Variants in SIAH2 observed in about 807,000 individuals in gnomAD.
SIAH2 encodes the protein E3 ubiquitin-protein ligase SIAH2.
SIAH2 carries 4 observed loss-of-function variants against 20.4 expected under a neutral mutation model. That is an observed-to-expected ratio of 0.20 (90% CI 0.10 to 0.45). The LOEUF is 0.45. Ranked by LOEUF, SIAH2 falls within the 20% of genes least tolerant of loss-of-function variation. The pLI, the probability that SIAH2 is intolerant of heterozygous loss-of-function variation, is 0.99. For synonymous variants in SIAH2, 171 were observed against 192.5 expected (o/e 0.89, Z 0.93); for missense variants, 259 against 440.3 (o/e 0.59, Z 3.69).
At chr3:150,761,765 CTT>C (rs777509736) in intron 1 of SIAH2, among the ~76,000 whole-genome samples, 7 of 152,236 alleles carry the variant, frequency 4.6e-5, no homozygotes, top group African/African-American at 1.4e-4. Flanking sequence ...AACAACAGCT[CTT>C]GAGTGCCCTT....
rs1246996334 is a variant in SIAH2, at chr3:150,742,051, T to G, written c.*90A>C. The G allele has an allele frequency of 1.7e-5, 21 of 1,265,130 alleles. No individual in the cohort carries two copies. Among genetic ancestry groups the G allele is most frequent in the Non-Finnish European group, 2.0e-5 (18 of 911,560 alleles). The allele number at this position is 1,265,130 out of a possible 1,614,324, so 78.4% of individuals were successfully genotyped here. A position where few individuals can be genotyped will look rare whatever the true frequency, so the allele number is the denominator to read the frequency against. ...ACGGGTAATTGTGGGTCCTGACTTGTGAAGACATATGGAATAAAACATCTA... is the reference window on the plus strand; with the variant it reads ...ACGGGTAATTGTGGGTCCTGACTTGGGAAGACATATGGAATAAAACATCTA... On this transcript the variant is annotated 3_prime_UTR_variant, in exon 2 of 2. Coordinates refer to ENST00000312960, the MANE Select transcript of SIAH2 (RefSeq NM_005067.7). This position sits in a 1 kb window ranked among gnomAD's most constrained non-coding sequence, Gnocchi z 4.8.
chr3:150,750,612 C>G (rs1196660491), intron 1 of SIAH2, among the ~76,000 whole-genome samples: 1 of 151,892 alleles, frequency 6.6e-6, no homozygotes, highest in Non-Finnish European at 1.5e-5. Flanking sequence ...ATGACGGGGT[C>G]TCACTTTGTT....
intron 1 of SIAH2, among the ~76,000 whole-genome samples, chr3:150,743,308 T>C (rs921072829): frequency 6.6e-6 from 1 of 152,196 alleles, no homozygotes; most frequent in African/African-American, 2.4e-5. Context: ...GCTAGAAATA[T>C]TACCCCACTG....
At chr3:150,756,566 T>A (rs2108124232) in intron 1 of SIAH2, among the ~76,000 whole-genome samples, 1 of 152,350 alleles carries the variant, frequency 6.6e-6, no homozygotes, top group African/African-American at 2.4e-5. Flanking sequence ...AGGCCAGACC[T>A]GCTGTAACTT....
intron 1 of SIAH2, among the ~76,000 whole-genome samples, chr3:150,749,463 C>T (rs1172470701): frequency 2.0e-5 from 3 of 152,062 alleles, no homozygotes; most frequent in African/African-American, 7.2e-5. Flanking sequence ...GTGATTGTAC[C>T]ACCGCCCTCC....
intron 1 of SIAH2, among the ~76,000 whole-genome samples, chr3:150,746,471 T>C (rs145920885): frequency 7.8e-4 from 117 of 149,194 alleles, no homozygotes; most frequent in African/African-American, 2.7e-3. Context: ...ATGGAGTTTA[T>C]TTTGAGTTTC....
At chr3:150,743,227 T>C (rs1576579829) in intron 1 of SIAH2, among the ~76,000 whole-genome samples, 1 of 152,378 alleles carries the variant, frequency 6.6e-6, no homozygotes, top group East Asian at 1.9e-4. Flanking sequence ...AAGGCTGCCC[T>C]TTGGTTCCTT....
Position 150,762,894 on chromosome 3 carries a change from G to A in SIAH2, c.-45C>T, listed in dbSNP as rs768086728. ...GGAACTGCGGGCGCCTGCCTGCCGC[G>A]GGGCCGCCCGGGTCAAGGCGGTGCG... On this transcript the variant is annotated 5_prime_UTR_variant, in exon 1 of 2. Transcript: ENST00000312960. This position sits in a 1 kb window ranked among gnomAD's most constrained non-coding sequence, Gnocchi z 6.6. 2 of 1,150,318 alleles carry A rather than the reference G, an allele frequency of 1.7e-6. No homozygotes were observed. The highest frequency in any genetic ancestry group is 2.2e-6 in the Non-Finnish European group (2 of 926,366). The allele number at this position is 1,150,318 out of a possible 1,614,324, so 71.3% of individuals were successfully genotyped here.
Position 150,742,168 on chromosome 3 carries a change from A to G in SIAH2, c.948T>C (p.Asn316=), listed in dbSNP as rs764036042. The change falls in exon 2 of 2, where the codon AAT becomes AAC. Residue 316 remains asparagine (N), a synonymous_variant. Coordinates refer to ENST00000312960, the MANE Select transcript of SIAH2 (RefSeq NM_005067.7). The surrounding 1 kb of genome is among the most constrained non-coding windows in gnomAD (Gnocchi z 4.8). Reference sequence around the variant, plus strand: ...ATGGACAACATGTAGAAATAGTAACATTGATTCCAAGGTTCCCATTATCTG... The same window carrying G: ...ATGGACAACATGTAGAAATAGTAACGTTGATTCCAAGGTTCCCATTATCTG... ...LFADNGNLGI[N]VTISTCCP 1 of 1,612,734 alleles carries G rather than the reference A, an allele frequency of 6.2e-7. No homozygotes were observed. Among genetic ancestry groups the G allele is most frequent in the South Asian group, 1.1e-5 (1 of 91,024 alleles).
rs779453281 is a variant in SIAH2, at chr3:150,741,721, A to C, written c.*420T>G. 35 of 161,984 alleles carry C rather than the reference A, an allele frequency of 2.2e-4. No individual in the cohort carries two copies. The highest frequency in any genetic ancestry group is 6.7e-4 in the Admixed American group (11 of 16,302). 10.0% of individuals were successfully genotyped at this position (161,984 alleles called of 1,614,324 possible). On this transcript the variant is annotated 3_prime_UTR_variant, in exon 2 of 2. Coordinates refer to ENST00000312960, the MANE Select transcript of SIAH2 (RefSeq NM_005067.7). ...AGAAACACTGTTTAAAATGCATTAA[A>C]ACAATTCCTACCTCCCACAAACAAA... is the stretch of plus-strand genomic sequence containing the variant.
At chr3:150,758,569 A>AT (rs574596010) in intron 1 of SIAH2, among the ~76,000 whole-genome samples, 5,241 of 129,730 alleles carry the variant, frequency 0.04, 122 homozygotes, top group African/African-American at 0.058. Context: ...TAGACATTCC[A>AT]TTTTTTTTTT....
chr3:150,745,564 C>T (rs1369669724), intron 1 of SIAH2, among the ~76,000 whole-genome samples: 2 of 151,576 alleles, frequency 1.3e-5, no homozygotes, highest in Non-Finnish European at 2.9e-5. Flanking sequence ...GGCGCGATCT[C>T]GGTTCACTGC....
At chr3:150,761,558 A>T (rs1034343868) in intron 1 of SIAH2, among the ~76,000 whole-genome samples, 1 of 152,196 alleles carries the variant, frequency 6.6e-6, no homozygotes, top group African/African-American at 2.4e-5. Flanking sequence ...GACATCTATG[A>T]TTCTATATTT....
At chr3:150,748,650 C>T (rs549701079) in intron 1 of SIAH2, among the ~76,000 whole-genome samples, 1 of 152,292 alleles carries the variant, frequency 6.6e-6, no homozygotes, top group South Asian at 2.1e-4. Context: ...CCTGCTAGCA[C>T]CTCAAATGAG....
chr3:150,742,638 T>C lies in SIAH2; in HGVS notation c.478A>G (p.Ile160Val), dbSNP rs373248583. 1.4e-5 allele frequency: 22 copies of C among 1,594,322 alleles called. No individual in the cohort carries two copies. Among genetic ancestry groups the C allele is most frequent in the East Asian group, 4.5e-5 (2 of 44,698 alleles). Reference sequence around the variant, plus strand: ...CAGGAGTAGGGACGGTATTCACATATGTCTTCATGTTCTGGTTTCTCCGTA... The same window carrying C: ...CAGGAGTAGGGACGGTATTCACATACGTCTTCATGTTCTGGTTTCTCCGTA... ...HHTEKPEHED[I>V]CEYRPYSCPC... The change falls in exon 2 of 2, where the codon ATA becomes GTA. Residue 160 changes from isoleucine to valine, a missense_variant. Coordinates refer to ENST00000312960, the MANE Select transcript of SIAH2 (RefSeq NM_005067.7). The surrounding 1 kb of genome is among the most constrained non-coding windows in gnomAD (Gnocchi z 4.8).
chr3:150,757,561 A>G (rs1243585246), intron 1 of SIAH2, among the ~76,000 whole-genome samples: 1 of 152,184 alleles, frequency 6.6e-6, no homozygotes, highest in African/African-American at 2.4e-5. Flanking sequence ...AGAGAATCAG[A>G]TCAGAGGCTG....
chr3:150,750,933 T>C (rs1299804371), intron 1 of SIAH2, among the ~76,000 whole-genome samples: 3 of 152,238 alleles, frequency 2.0e-5, no homozygotes, highest in Non-Finnish European at 4.4e-5. Context: ...GACTTCCTCC[T>C]TGACTATTAT....
In SIAH2 at chr3:150,744,011, G is replaced by T. The variant is rs191613803; in HGVS notation, c.418-1313C>A. Among the ~76,000 whole-genome samples the T allele has an allele frequency of 2.0e-3, 296 of 148,698 alleles. 1 individual carries two copies. Among genetic ancestry groups the T allele is most frequent in the African/African-American group, 7.2e-3 (289 of 40,358 alleles). On this transcript the variant is annotated intron_variant, in intron 1 of 1. Coordinates refer to ENST00000312960, the MANE Select transcript of SIAH2 (RefSeq NM_005067.7). ...TTTTTCTAAGATGCTATGTCCAGTTGCTAAAAAAAAAAAAAAGCACCACTG... is the reference window on the plus strand; with the variant it reads ...TTTTTCTAAGATGCTATGTCCAGTTTCTAAAAAAAAAAAAAAGCACCACTG...
chr3:150,761,575 G>A (rs1020792785), intron 1 of SIAH2, among the ~76,000 whole-genome samples: 4 of 152,086 alleles, frequency 2.6e-5, no homozygotes, highest in African/African-American at 9.7e-5. Flanking sequence ...ATTTAGCTGC[G>A]AGGGTGTATG....
Sources: gnomAD v4.1 joint callset for allele counts (sites outside exome capture counted in the v4.1 genomes callset) on GRCh38, gnomAD v4.1.1 for gene constraint, Gnocchi (gnomAD v3.1) non-coding constraint, MANE v1.5 for transcripts, NCBI Gene and HGNC (gene_info 2026-07-23, HGNC 2026-07-21) for gene names.